The following CRISPLD1 variants were observed in gnomAD, a reference collection of about 807,000 sequenced individuals.
The protein encoded by CRISPLD1 is cysteine-rich secretory protein LCCL domain-containing 1.
CRISPLD1 carries 60 observed loss-of-function variants against 77.5 expected under a neutral mutation model. That is an observed-to-expected ratio of 0.77 (90% CI 0.63 to 0.96). The LOEUF (loss-of-function observed/expected upper bound fraction) is 0.96. CRISPLD1 is among the 40% of genes least tolerant of loss of function. CRISPLD1 has a pLI of 0.00. For synonymous variants in CRISPLD1, 195 were observed against 200.1 expected (o/e 0.97, Z 0.22); for missense variants, 623 against 615.8 (o/e 1.01, Z -0.12).
At chr8:74,996,778 G>A (rs942877307) in intron 2 of CRISPLD1, among the ~76,000 whole-genome samples, 1 of 145,250 alleles carries the variant, frequency 6.9e-6, no homozygotes, top group Non-Finnish European at 1.5e-5. Context: ...TAGTGCAGTG[G>A]CGCAATGATG....
rs781774697 is a variant in CRISPLD1 at position 75,012,440 on chromosome 8, A to T, written c.266A>T (p.Asp89Val). ...TTTTGTTTTAAACTGTAGACATGGG[A>T]TGTAGAGCTGGAAAGATCTGCAGAA... ...TASNMEYMTW[D>V]VELERSAESW... The change falls in exon 3 of 15, where the codon GAT becomes GTT. Residue 89 changes from aspartate (D) to valine (V), a missense_variant. Asp to Val is a radical substitution (Grantham distance 152). Transcript: ENST00000262207. The T allele has an allele frequency of 1.9e-6, 3 of 1,606,280 alleles. No individual in the cohort carries two copies. Among genetic ancestry groups the T allele is most frequent in the Admixed American group, 3.3e-5 (2 of 59,890 alleles).
At chr8:74,984,983 T>A (rs1587001051) in intron 1 of CRISPLD1, 63 bp downstream of exon 1, 2 of 150,028 alleles carry the variant, frequency 1.3e-5, no homozygotes, top group Admixed American at 1.3e-4. Context: ...TATCTCCCTT[T>A]GCCTTCTTAA....
chr8:75,015,676 G>A (rs1056542361), intron 6 of CRISPLD1, among the ~76,000 whole-genome samples: 1 of 152,072 alleles, frequency 6.6e-6, no homozygotes, highest in Non-Finnish European at 1.5e-5. Flanking sequence ...AATGACACGT[G>A]TCTTTTTTTC....
chr8:74,991,803 G>C (rs1452621997), intron 2 of CRISPLD1, among the ~76,000 whole-genome samples: 1 of 152,140 alleles, frequency 6.6e-6, no homozygotes, highest in African/African-American at 2.4e-5. Flanking sequence ...GTGCTGGACA[G>C]GTGTGAGCCA....
intron 12 of CRISPLD1, among the ~76,000 whole-genome samples, chr8:75,024,712 G>A (rs1251407179): frequency 6.6e-6 from 1 of 152,156 alleles, no homozygotes; most frequent in Non-Finnish European, 1.5e-5. Flanking sequence ...GCATAGAAGA[G>A]CCTATTGCAG....
chr8:74,993,927 G>C (rs949502750), intron 2 of CRISPLD1, among the ~76,000 whole-genome samples: 1 of 152,216 alleles, frequency 6.6e-6, no homozygotes, highest in Non-Finnish European at 1.5e-5. Context: ...GGCAGACAGA[G>C]GGAGCATGAG....
intron 2 of CRISPLD1, among the ~76,000 whole-genome samples, chr8:74,991,527 T>A (rs1368249362): frequency 6.6e-6 from 1 of 152,140 alleles, no homozygotes; most frequent in African/African-American, 2.4e-5. Flanking sequence ...CACATTGAAT[T>A]ACTCAATGTT....
In CRISPLD1 at chr8:75,014,020, G is replaced by T; in HGVS notation, c.544G>T (p.Ala182Ser). ...VWATSNRIGC[A>S]INLCHNMNIW... ...GGCAACTAGTAACAGAATCGGTTGT[G>T]CCATTAATTTGTGTCATAACATGAA... Residue 182 changes from alanine to serine, a missense_variant, in exon 5 of 15, where the codon GCC (alanine) becomes TCC (serine). Physicochemically the swap from Ala to Ser is moderately conservative, Grantham distance 99. Transcript: ENST00000262207. The T allele has an allele frequency of 1.2e-6, 2 of 1,613,084 alleles. No homozygotes were observed. Among genetic ancestry groups the T allele is most frequent in the Non-Finnish European group, 1.7e-6 (2 of 1,179,382 alleles).
intron 2 of CRISPLD1, among the ~76,000 whole-genome samples, chr8:74,993,533 A>G (rs1812605032): frequency 6.6e-6 from 1 of 152,204 alleles, no homozygotes; most frequent in Admixed American, 6.5e-5. Context: ...TGAAGTTTAC[A>G]AAACCTTAAT....
At chr8:75,001,395 A>G (rs910342068) in intron 2 of CRISPLD1, among the ~76,000 whole-genome samples, 1 of 152,194 alleles carries the variant, frequency 6.6e-6, no homozygotes, top group African/African-American at 2.4e-5. Flanking sequence ...TCTGAAGTTC[A>G]GGATAGGATC....
At chr8:75,014,632 T>C (rs1341607400) in intron 5 of CRISPLD1, among the ~76,000 whole-genome samples, 180 bp from the exon 6 acceptor site, 1 of 152,234 alleles carries the variant, frequency 6.6e-6, no homozygotes, top group African/African-American at 2.4e-5. Context: ...ATTTTCAAAA[T>C]GAGGCAGTAA....
chr8:74,999,806 C>A, intron 2 of CRISPLD1, among the ~76,000 whole-genome samples: 1 of 145,700 alleles, frequency 6.9e-6, no homozygotes. Flanking sequence ...ACTTATAATA[C>A]ACAATGTTGG....
chr8:74,993,823 C>G lies in CRISPLD1; in HGVS notation c.258+7578C>G, dbSNP rs569845208. ...GCATGTATTGGGAGTTTACTAAATG[C>G]CAGGCACTATCTAGGGTTCTAGTAG... On this transcript the variant is annotated intron_variant, in intron 2 of 14. Transcript: ENST00000262207. Among the ~76,000 whole-genome samples the G allele has an allele frequency of 1.1e-3, 164 of 152,282 alleles. 1 individual carries two copies. The highest frequency in any genetic ancestry group is 3.7e-3 in the African/African-American group (154 of 41,546).
intron 2 of CRISPLD1, among the ~76,000 whole-genome samples, chr8:75,006,523 A>G (rs1812833697): frequency 6.6e-6 from 1 of 152,126 alleles, no homozygotes; most frequent in Non-Finnish European, 1.5e-5. Context: ...CAGTTTGGTG[A>G]AAGTTTCTAC....
At chr8:75,005,662 T>C (rs1183045657) in intron 2 of CRISPLD1, among the ~76,000 whole-genome samples, 1 of 152,152 alleles carries the variant, frequency 6.6e-6, no homozygotes, top group Non-Finnish European at 1.5e-5. Context: ...GGATTAGAGA[T>C]ATTGGAGTGC....
chr8:75,027,768 C>T (rs1218715698), intron 13 of CRISPLD1, among the ~76,000 whole-genome samples: 2 of 152,154 alleles, frequency 1.3e-5, no homozygotes, highest in East Asian at 3.9e-4. Context: ...CTTCCCTTCT[C>T]TTTCTTTCCT....
intron 2 of CRISPLD1, among the ~76,000 whole-genome samples, chr8:74,999,778 T>C (rs1045909843): frequency 6.6e-6 from 1 of 151,338 alleles, no homozygotes; most frequent in Non-Finnish European, 1.5e-5. Flanking sequence ...TTCTTTTCTT[T>C]TTTTTTTTTT....
At position 74,984,908 on chromosome 8, in the gene CRISPLD1, T is replaced by TCACACTGGAGAGGTAAGGGC. The variant is rs1282858532; in HGVS notation, c.-74_-63+8dup. 1 of 152,114 alleles carries TCACACTGGAGAGGTAAGGGC rather than the reference T, an allele frequency of 6.6e-6. No individual in the cohort carries two copies. The highest frequency in any genetic ancestry group is 1.9e-4 in the East Asian group (1 of 5,170). The allele number at this position is 152,114 out of a possible 1,614,324, so 9.4% of individuals were successfully genotyped here. A position where few individuals can be genotyped will look rare whatever the true frequency, so the allele number is the denominator to read the frequency against. ...TTTGGCTCACCTCTCCCAGGAAACTTCACACTGGAGAGGTAAGGGCGATTC... is the reference window on the plus strand; with the variant it reads ...TTTGGCTCACCTCTCCCAGGAAACTTCACACTGGAGAGGTAAGGGCCACACTGGAGAGGTAAGGGCGATTC... On this transcript the variant is annotated 5_prime_UTR_variant, in exon 1 of 15. Transcript: ENST00000262207.
At chr8:75,017,700 T>A (rs1813059573) in intron 10 of CRISPLD1, among the ~76,000 whole-genome samples, 1 of 152,116 alleles carries the variant, frequency 6.6e-6, no homozygotes, top group East Asian at 1.9e-4. Flanking sequence ...ATGTATAAAT[T>A]TACAGTTAAT....
Sources: gnomAD v4.1 joint callset for allele counts (sites outside exome capture counted in the v4.1 genomes callset) on GRCh38, gnomAD v4.1.1 for gene constraint, MANE v1.5 for transcripts, NCBI Gene and HGNC (gene_info 2026-07-23, HGNC 2026-07-21) for gene names.